Variants in ERC1 observed in about 807,000 individuals in gnomAD.
ERC1 encodes the protein RAB6 interacting protein 2.
Under a neutral mutation model 132.0 loss-of-function variants are expected in ERC1, and 56 were observed. That is an observed-to-expected ratio of 0.42 (90% CI 0.34 to 0.53). ERC1 has a LOEUF of 0.53. ERC1 is among the 20% of genes least tolerant of loss of function. The probability of loss-of-function intolerance (pLI) is 0.03; values close to 1 mark genes in which losing one functional copy is unlikely to be tolerated. For synonymous variants in ERC1, 478 were observed against 476.1 expected (o/e 1.00, Z -0.05); for missense variants, 1,202 against 1,349.9 (o/e 0.89, Z 1.72).
intron 8 of ERC1, among the ~76,000 whole-genome samples, chr12:1,176,237 A>G (rs1195299269): frequency 2.0e-5 from 3 of 152,246 alleles, no homozygotes; most frequent in African/African-American, 7.2e-5. Context: ...TAAGAAAAAC[A>G]TGAATCTCCT....
At chr12:1,121,098 C>T (rs113607570) in intron 7 of ERC1, among the ~76,000 whole-genome samples, 2 of 152,108 alleles carry the variant, frequency 1.3e-5, no homozygotes, top group African/African-American at 2.4e-5. Flanking sequence ...CTTTCATTTT[C>T]CCAGTTAATT....
rs1163299383 is a variant in ERC1, at chr12:1,096,323, G to A, written c.1087-8427G>A. On this transcript the variant is annotated intron_variant, in intron 3 of 18. Coordinates refer to ENST00000360905, the MANE Select transcript of ERC1 (RefSeq NM_178040.4). ...ATGAAATAAGTTGAAAATCTAAATT[G>A]TGTGTTATTTTTTAAAAAATGCAGT... Among the ~76,000 whole-genome samples the A allele has an allele frequency of 2.6e-5, 4 of 152,162 alleles. No individual in the cohort carries two copies. The East Asian group carries it at 7.7e-4, about 29-fold the overall frequency.
At chr12:1,303,827 G>A (rs1164228749) in intron 15 of ERC1, among the ~76,000 whole-genome samples, 1 of 151,460 alleles carries the variant, frequency 6.6e-6, no homozygotes, top group Non-Finnish European at 1.5e-5. Context: ...GGTGGCGCAT[G>A]CCTGTAATCC....
At chr12:1,143,233 A>C (rs1033711917) in intron 8 of ERC1, among the ~76,000 whole-genome samples, 5 of 151,960 alleles carry the variant, frequency 3.3e-5, no homozygotes, top group African/African-American at 1.2e-4. Flanking sequence ...AATAAAAAAG[A>C]TGTTGTCCAG....
chr12:1,068,642 T>A (rs1939751910), intron 2 of ERC1, among the ~76,000 whole-genome samples: 1 of 148,976 alleles, frequency 6.7e-6, no homozygotes, highest in South Asian at 2.1e-4. Context: ...CTGATTTTAT[T>A]GATAATTTTG....
At position 1,222,829 on chromosome 12, in the gene ERC1, ATGT is replaced by A. The variant is rs746687742; in HGVS notation, c.2352-13935_2352-13933del. Among the ~76,000 whole-genome samples the A allele has an allele frequency of 1.6e-4, 25 of 152,332 alleles. 1 individual carries two copies. Among genetic ancestry groups the A allele is most frequent in the Middle Eastern group, 3.4e-3 (1 of 294 alleles). On this transcript the variant is annotated intron_variant, in intron 12 of 18. Coordinates refer to ENST00000360905, the MANE Select transcript of ERC1 (RefSeq NM_178040.4). ...CCAGTAGAATTGTAGCCTCTGGCAA[ATGT>A]TGTTAGTTTCTTAATAGGAAGGAGT...
At chr12:1,241,346 A>G (rs7961190) in intron 13 of ERC1, among the ~76,000 whole-genome samples, 147,643 of 152,314 alleles carry the variant, frequency 0.97, 71,598 homozygotes, top group East Asian at 1. Flanking sequence ...CTATCATGAA[A>G]ATCTTTTCAT....
In ERC1 at chr12:1,104,762, A is replaced by G. The variant is rs1310576664; in HGVS notation, c.1099A>G (p.Arg367Gly). The G allele has an allele frequency of 6.2e-7, 1 of 1,612,594 alleles. No individual in the cohort carries two copies. The highest frequency in any genetic ancestry group is 8.5e-7 in the Non-Finnish European group (1 of 1,178,622). Residue 367 changes from arginine (R) to glycine (G), a missense_variant, in exon 4 of 19, where the codon AGG becomes GGG. Arg to Gly is a moderately radical substitution (Grantham distance 125, BLOSUM62 -2). Transcript: ENST00000360905. ...CTCTTTTCTACAGGAGATGCATCGAAGGTTTGAGAATGCTCCTGATTCTGC... is the reference window on the plus strand; with the variant it reads ...CTCTTTTCTACAGGAGATGCATCGAGGGTTTGAGAATGCTCCTGATTCTGC... ...NSMLREEMHR[R>G]FENAPDSAKT... is the part of the protein sequence containing the mutation.
intron 17 of ERC1, among the ~76,000 whole-genome samples, chr12:1,434,100 T>C (rs2092883478): frequency 6.6e-6 from 1 of 152,014 alleles, no homozygotes; most frequent in South Asian, 2.1e-4. Context: ...TTGTCCCTTT[T>C]CTTTGCTTGA....
chr12:1,346,904 T>TGCAGTCC, intron 15 of ERC1, among the ~76,000 whole-genome samples: 1 of 143,184 alleles, frequency 7.0e-6, no homozygotes, highest in Non-Finnish European at 1.5e-5. Context: ...ATTGCGCCAC[T>TGCAGTCC]GCAGTCCGCA....
At chr12:1,432,323 G>A (rs1170493235) in intron 17 of ERC1, among the ~76,000 whole-genome samples, 1 of 152,226 alleles carries the variant, frequency 6.6e-6, no homozygotes, top group Non-Finnish European at 1.5e-5. Flanking sequence ...TTAGCTGATG[G>A]GCTGTACGAA....
At chr12:1,230,004 C>CT (rs754220477) in intron 12 of ERC1, among the ~76,000 whole-genome samples, 2,998 of 107,778 alleles carry the variant, frequency 0.028, 85 homozygotes, top group East Asian at 0.055. Context: ...CTTTTTGACT[C>CT]TTTTTTTTTT....
At chr12:1,029,067 A>C (rs1308737811) in intron 2 of ERC1, among the ~76,000 whole-genome samples, 1 of 152,168 alleles carries the variant, frequency 6.6e-6, no homozygotes, top group Non-Finnish European at 1.5e-5. Context: ...TTAAAAAGTT[A>C]ATGTTGGCCG....
At chr12:1,268,050 A>G (rs1424153376) in intron 14 of ERC1, among the ~76,000 whole-genome samples, 1 of 152,198 alleles carries the variant, frequency 6.6e-6, no homozygotes, top group African/African-American at 2.4e-5. Context: ...TCTGTCATTT[A>G]TGCAACAGTT....
chr12:1,189,564 T>C (rs958599634), intron 11 of ERC1, among the ~76,000 whole-genome samples: 1 of 152,202 alleles, frequency 6.6e-6, no homozygotes, highest in African/African-American at 2.4e-5. Context: ...GACTGTTAGT[T>C]TGTCTCACTA....
At position 1,379,134 on chromosome 12, in the gene ERC1, G is replaced by A. The variant is rs117986630; in HGVS notation, c.2925+7157G>A. 6.2e-4 allele frequency among the ~76,000 whole-genome samples: 95 copies of A among 152,202 alleles called. 1 individual carries two copies. Among genetic ancestry groups the A allele is most frequent in the Non-Finnish European group, 9.1e-4 (62 of 68,008 alleles). On this transcript the variant is annotated intron_variant, in intron 16 of 18. Transcript: ENST00000360905. The stretch of plus-strand genomic sequence containing the variant: ...ATTCCCATAAATACATAAAAGGACC[G>A]TGCTAAGCTGTCTTTGGGGTGGCCA...
At chr12:1,190,160 G>A (rs746111726) in intron 12 of ERC1, 108 bp downstream of exon 12, 13 of 1,034,042 alleles carry the variant, frequency 1.3e-5, no homozygotes, top group Admixed American at 3.4e-5. Context: ...TTAGGTTCTC[G>A]AATTCTTGCT....
At chr12:1,326,876 TAGAC>T (rs745422302) in intron 15 of ERC1, among the ~76,000 whole-genome samples, 1 of 151,998 alleles carries the variant, frequency 6.6e-6, no homozygotes, top group Non-Finnish European at 1.5e-5. Flanking sequence ...GGCTCAATTA[TAGAC>T]AGTTTGTGGG....
intron 14 of ERC1, among the ~76,000 whole-genome samples, chr12:1,266,814 T>G (rs1479592725): frequency 6.6e-6 from 1 of 152,252 alleles, no homozygotes; most frequent in Non-Finnish European, 1.5e-5. Flanking sequence ...TGAGGCTTTT[T>G]TGTTTAGGAA....
Sources: allele counts gnomAD v4.1 joint callset (sites outside exome capture counted in the v4.1 genomes callset), GRCh38; gene constraint gnomAD v4.1.1; transcripts MANE v1.5; gene names NCBI Gene and HGNC (gene_info 2026-07-23, HGNC 2026-07-21).